CACNA2D1: variants seen among roughly 807,000 people sequenced by gnomAD.
The protein encoded by CACNA2D1 is voltage-dependent calcium channel subunit alpha-2/delta-1.
CACNA2D1 carries 53 observed loss-of-function variants against 171.5 expected under a neutral mutation model. The observed-to-expected ratio is 0.31, with a 90% confidence interval of 0.25 to 0.39. CACNA2D1 has a LOEUF of 0.39. CACNA2D1 is among the 10% of genes least tolerant of loss of function. The probability of loss-of-function intolerance (pLI) is 1.00; values close to 1 mark genes in which losing one functional copy is unlikely to be tolerated. For missense variants in CACNA2D1, 903 were observed against 1,299.8 expected (o/e 0.69, Z 4.69); for synonymous variants, 442 against 443.1 (o/e 1.00, Z 0.03).
chr7:82,147,206 G>C (rs55679074), intron 4 of CACNA2D1, among the ~76,000 whole-genome samples: 4 of 151,480 alleles, frequency 2.6e-5, no homozygotes, highest in African/African-American at 9.7e-5. Context: ...AGAGTTCATT[G>C]GCTCTTGAAC....
intron 3 of CACNA2D1, 114 bp downstream of exon 3, chr7:82,335,021 G>T: frequency 1.3e-6 from 1 of 766,784 alleles, no homozygotes; most frequent in Non-Finnish European, 2.4e-6. Context: ...CATATCAGAT[G>T]AACACAGTTA....
intron 3 of CACNA2D1, among the ~76,000 whole-genome samples, chr7:82,270,383 T>C (rs1433975065): frequency 2.6e-5 from 4 of 152,154 alleles, no homozygotes; most frequent in Non-Finnish European, 4.4e-5. Flanking sequence ...GGCTCATCAC[T>C]ATTGTTGTGA....
At chr7:82,176,570 A>G (rs1441589707) in intron 3 of CACNA2D1, among the ~76,000 whole-genome samples, 1 of 151,860 alleles carries the variant, frequency 6.6e-6, no homozygotes, top group African/African-American at 2.4e-5. Flanking sequence ...CCAGGCTGGA[A>G]ACTGGGATTT....
chr7:82,256,225 C>T (rs1453313570), intron 3 of CACNA2D1, among the ~76,000 whole-genome samples: 3 of 152,034 alleles, frequency 2.0e-5, no homozygotes, highest in African/African-American at 4.8e-5. Flanking sequence ...ACCTTGGAGG[C>T]GGAGGTTGCA....
intron 3 of CACNA2D1, among the ~76,000 whole-genome samples, chr7:82,203,365 T>C (rs981295242): frequency 3.3e-5 from 5 of 152,198 alleles, no homozygotes; most frequent in Non-Finnish European, 1.5e-5. Context: ...CAATGCCTTC[T>C]CTTCCCGAGA....
At position 81,997,478 on chromosome 7, in the gene CACNA2D1, G is replaced by C. The variant is rs37109; in HGVS notation, c.1591-228C>G. 0.039 allele frequency among the ~76,000 whole-genome samples: 5,910 copies of C among 151,396 alleles called. 349 individuals are homozygous for C. The highest frequency in any genetic ancestry group is 0.13 in the African/African-American group (5,324 of 41,312). The stretch of plus-strand genomic sequence containing the variant: ...ATCTTAATAAGCAAGTGAAGACAGT[G>C]TCATTTTGAGTGCTGTATTTGATAC... On this transcript the variant is annotated intron_variant, in intron 18 of 38. Transcript: ENST00000356860.
chr7:81,963,193 A>T (rs1162188795), intron 34 of CACNA2D1, among the ~76,000 whole-genome samples: 1 of 151,986 alleles, frequency 6.6e-6, no homozygotes, highest in Non-Finnish European at 1.5e-5. Flanking sequence ...TTTCAGAATA[A>T]AACAGAATTT....
intron 1 of CACNA2D1, among the ~76,000 whole-genome samples, chr7:82,425,349 C>T (rs1281066159): frequency 6.6e-6 from 1 of 152,148 alleles, no homozygotes; most frequent in Non-Finnish European, 1.5e-5. Context: ...GTCCAGGCAA[C>T]ACCTTACTGC....
Position 82,014,383 on chromosome 7 carries a change from A to C in CACNA2D1, c.1222+18T>G. The C allele has an allele frequency of 7.3e-7, 1 of 1,374,062 alleles. No individual in the cohort carries two copies. Among genetic ancestry groups the C allele is most frequent in the East Asian group, 2.3e-5 (1 of 43,658 alleles). 85.1% of individuals were successfully genotyped at this position (1,374,062 alleles called of 1,614,324 possible). A position where few individuals can be genotyped will look rare whatever the true frequency, so the allele number is the denominator to read the frequency against. ...ATAGTTTTTCTTCTAATTTATTAGA[A>C]GAAAACAGATTTGTTACCTTTGTTT... On this transcript the variant is annotated intron_variant, in intron 13 of 38. Transcript: ENST00000356860.
chr7:82,144,544 T>C (rs895295251), intron 4 of CACNA2D1, among the ~76,000 whole-genome samples: 1 of 152,046 alleles, frequency 6.6e-6, no homozygotes, highest in Admixed American at 6.6e-5. Flanking sequence ...GCATGAAATA[T>C]TTTTTCACCT....
chr7:82,426,164 TA>T (rs1829161214), intron 1 of CACNA2D1, among the ~76,000 whole-genome samples: 1 of 136,068 alleles, frequency 7.3e-6, no homozygotes, highest in Non-Finnish European at 1.5e-5. Flanking sequence ...AATAAATAAA[TA>T]AATAAATAAA....
intron 5 of CACNA2D1, among the ~76,000 whole-genome samples, chr7:82,119,713 C>A (rs1383685269): frequency 2.0e-5 from 3 of 152,168 alleles, no homozygotes; most frequent in Non-Finnish European, 4.4e-5. Context: ...GATTTGCAAA[C>A]TGATAAACTT....
At chr7:82,023,339 G>T (rs546235941) in intron 12 of CACNA2D1, among the ~76,000 whole-genome samples, 24 of 151,926 alleles carry the variant, frequency 1.6e-4, no homozygotes, top group Admixed American at 6.6e-4. Context: ...TAATTCCCAA[G>T]AGTAGCACAT....
intron 3 of CACNA2D1, among the ~76,000 whole-genome samples, chr7:82,305,553 T>C (rs1273718770): frequency 6.6e-6 from 1 of 152,018 alleles, no homozygotes; most frequent in Non-Finnish European, 1.5e-5. Context: ...AGGTTTCATC[T>C]ACATAACAAG....
chr7:82,007,664 C>A lies in CACNA2D1; in HGVS notation c.1440+15G>T. 1.5e-6 allele frequency: 2 copies of A among 1,293,560 alleles called. No individual in the cohort carries two copies. Among genetic ancestry groups the A allele is most frequent in the South Asian group, 2.4e-5 (2 of 83,028 alleles). The allele number at this position is 1,293,560 out of a possible 1,614,324, so 80.1% of individuals were successfully genotyped here. A position where few individuals can be genotyped will look rare whatever the true frequency, so the allele number is the denominator to read the frequency against. On this transcript the variant is annotated intron_variant, in intron 16 of 38. Transcript: ENST00000356860. The stretch of plus-strand genomic sequence containing the variant: ...TGTCATTTATTATTATTAATTTTAT[C>A]AATTAACTTTTAACCTTTAAGTTTG...
chr7:82,396,319 A>G (rs1003840921), intron 1 of CACNA2D1, among the ~76,000 whole-genome samples: 6 of 152,158 alleles, frequency 3.9e-5, no homozygotes, highest in African/African-American at 9.7e-5. Context: ...CCCCATCTCT[A>G]TAAGAAATAA....
intron 3 of CACNA2D1, among the ~76,000 whole-genome samples, chr7:82,172,901 G>T (rs568807202): frequency 7.3e-5 from 11 of 151,556 alleles, no homozygotes; most frequent in African/African-American, 2.7e-4. Context: ...TTTAGATTAA[G>T]AAACATTAGA....
intron 3 of CACNA2D1, among the ~76,000 whole-genome samples, chr7:82,267,852 C>G (rs1190923539): frequency 6.6e-6 from 1 of 152,034 alleles, no homozygotes; most frequent in Non-Finnish European, 1.5e-5. Context: ...AAGAAATTAG[C>G]CGGGCGTGGT....
intron 1 of CACNA2D1, among the ~76,000 whole-genome samples, chr7:82,432,845 T>C (rs1239985600): frequency 1.3e-5 from 2 of 152,226 alleles, no homozygotes; most frequent in African/African-American, 2.4e-5. Context: ...TCTTTTTCAA[T>C]GATATTACTG....
Sources: allele counts gnomAD v4.1 joint callset (sites outside exome capture counted in the v4.1 genomes callset), GRCh38; gene constraint gnomAD v4.1.1; transcripts MANE v1.5; gene names NCBI Gene and HGNC (gene_info 2026-07-23, HGNC 2026-07-21).